The following PIK3C2G variants were observed in gnomAD, a reference collection of about 807,000 sequenced individuals.
The protein encoded by PIK3C2G is phosphatidylinositol-4-phosphate 3-kinase catalytic subunit type 2 gamma, also known as phosphatidylinositol 3-kinase C2 domain-containing subunit gamma.
Under a neutral mutation model 181.1 loss-of-function variants are expected in PIK3C2G, and 168 were observed. The ratio of observed to expected loss-of-function variants is 0.93; its 90% CI spans 0.82 to 1.05. The LOEUF is 1.05. PIK3C2G is among the 50% of genes least tolerant of loss of function. The pLI is 0.00. For synonymous variants in PIK3C2G, 573 were observed against 592.2 expected (o/e 0.97, Z 0.47); for missense variants, 1,869 against 1,732.8 (o/e 1.08, Z -1.40).
intron 18 of PIK3C2G, among the ~76,000 whole-genome samples, chr12:18,443,562 T>C (rs1303824402): frequency 2.0e-5 from 3 of 152,138 alleles, no homozygotes; most frequent in African/African-American, 7.2e-5. Context: ...TTTATTTCTG[T>C]AATCACCGAA....
At chr12:18,676,349 A>G in the PIK3C2G span, among the ~76,000 whole-genome samples, 4 of 152,046 alleles carry the variant, frequency 2.6e-5, no homozygotes, top group African/African-American at 9.7e-5. Flanking sequence ...AACTGAAAGA[A>G]TCTAATATAA....
At chr12:18,404,204 T>C (rs1424453965) in intron 16 of PIK3C2G, among the ~76,000 whole-genome samples, 3 of 152,206 alleles carry the variant, frequency 2.0e-5, no homozygotes, top group African/African-American at 7.2e-5. Flanking sequence ...ACTGATGCCA[T>C]TGTTTACTAA....
intron 24 of PIK3C2G, among the ~76,000 whole-genome samples, chr12:18,520,736 T>G (rs1329577314): frequency 1.3e-5 from 2 of 152,158 alleles, no homozygotes; most frequent in Admixed American, 1.3e-4. Context: ...CATCTCATCC[T>G]CTGTCCAGTT....
the PIK3C2G span, chr12:18,694,064 A>C: frequency 7.6e-7 from 1 of 1,310,072 alleles, no homozygotes; most frequent in Non-Finnish European, 1.1e-6. Context: ...TCTTTATAAG[A>C]AACAGGAAGA....
At chr12:18,595,154 T>C (rs946522362) in intron 30 of PIK3C2G, among the ~76,000 whole-genome samples, 2 of 152,078 alleles carry the variant, frequency 1.3e-5, no homozygotes, top group African/African-American at 2.4e-5. Flanking sequence ...ACTAATATAA[T>C]AAGCAAGGAT....
At chr12:18,643,404 T>C (rs1949937022) in intron 32 of PIK3C2G, among the ~76,000 whole-genome samples, 1 of 151,958 alleles carries the variant, frequency 6.6e-6, no homozygotes, top group South Asian at 2.1e-4. Flanking sequence ...AAGCAGAAAT[T>C]TGAAGTAGTG....
At chr12:18,688,953 G>A in the PIK3C2G span, among the ~76,000 whole-genome samples, 1 of 151,622 alleles carries the variant, frequency 6.6e-6, no homozygotes, top group Non-Finnish European at 1.5e-5. Flanking sequence ...TGATTATAAA[G>A]GAATAAAGAA....
chr12:18,634,218 T>A (rs936197132), intron 31 of PIK3C2G, among the ~76,000 whole-genome samples: 1 of 152,182 alleles, frequency 6.6e-6, no homozygotes, highest in Non-Finnish European at 1.5e-5. Context: ...CTCTTTTTGC[T>A]GTGATGTGAG....
intron 24 of PIK3C2G, among the ~76,000 whole-genome samples, chr12:18,516,190 TC>T (rs1193704290): frequency 6.6e-6 from 1 of 151,938 alleles, no homozygotes; most frequent in Non-Finnish European, 1.5e-5. Flanking sequence ...TTTTTATTTT[TC>T]TAGAAAAGTC....
chr12:18,417,328 A>G lies in PIK3C2G; in HGVS notation c.2316-3613A>G, dbSNP rs576106381. Among the ~76,000 whole-genome samples, 3 of 152,312 alleles carry G rather than the reference A, an allele frequency of 2.0e-5. No individual in the cohort carries two copies. In the South Asian group the frequency reaches 6.2e-4, roughly 32 times the overall value. On this transcript the variant is annotated intron_variant, in intron 16 of 32. Transcript: ENST00000538779. The stretch of plus-strand genomic sequence containing the variant: ...GTTGACATGATAACAAAGGATTTAG[A>G]ATCCTATATAAACATGATTGAGAAA...
At chr12:18,694,012 G>T in the PIK3C2G span, 1 of 1,481,548 alleles carries the variant, frequency 6.7e-7, no homozygotes, top group African/African-American at 1.4e-5. Context: ...AACGTAGAAT[G>T]AAAGTAACAA....
At chr12:18,445,979 T>C (rs143589218) in intron 18 of PIK3C2G, among the ~76,000 whole-genome samples, 3 of 152,342 alleles carry the variant, frequency 2.0e-5, no homozygotes, top group Non-Finnish European at 4.4e-5. Context: ...TTAATTTTCA[T>C]TGTAGTCTCA....
intron 18 of PIK3C2G, among the ~76,000 whole-genome samples, chr12:18,458,824 T>TA (rs1947763962): frequency 6.7e-6 from 1 of 149,252 alleles, no homozygotes; most frequent in African/African-American, 2.5e-5. Context: ...TTCTAGTTGC[T>TA]GAAAGTGGCC....
intron 24 of PIK3C2G, among the ~76,000 whole-genome samples, chr12:18,527,124 G>A (rs552553149): frequency 1.3e-5 from 2 of 152,202 alleles, no homozygotes; most frequent in Admixed American, 6.5e-5. Flanking sequence ...GTAAGCCAAT[G>A]CCCCATTGTG....
intron 29 of PIK3C2G, among the ~76,000 whole-genome samples, chr12:18,573,948 A>C (rs1448166950): frequency 6.6e-6 from 1 of 152,180 alleles, no homozygotes; most frequent in East Asian, 1.9e-4. Flanking sequence ...CTAAACCCTA[A>C]TTCTGTCCCA....
At chr12:18,559,821 T>TAGAGAGAGAGAGAGAGAGAGAG (rs1171468138) in intron 26 of PIK3C2G, among the ~76,000 whole-genome samples, 2 of 18,372 alleles carry the variant, frequency 1.1e-4, no homozygotes, top group Admixed American at 1.0e-3. Flanking sequence ...TATATATATA[T>TAGAGAGAGAGAGAGAGAGAGAG]AGAGAGAGAG....
At chr12:18,559,358 C>G (rs1402970227) in intron 26 of PIK3C2G, among the ~76,000 whole-genome samples, 1 of 151,912 alleles carries the variant, frequency 6.6e-6, no homozygotes, top group Admixed American at 6.6e-5. Context: ...GGAGGCAAAC[C>G]ATTAAATTAC....
chr12:18,547,911 A>G (rs1380103939), intron 26 of PIK3C2G, among the ~76,000 whole-genome samples: 1 of 151,990 alleles, frequency 6.6e-6, no homozygotes, highest in African/African-American at 2.4e-5. Context: ...AGTTATCTCA[A>G]CTAATGGGGA....
At chr12:18,563,844 T>A (rs1023368264) in intron 28 of PIK3C2G, among the ~76,000 whole-genome samples, 19 of 151,816 alleles carry the variant, frequency 1.3e-4, no homozygotes, top group Non-Finnish European at 2.4e-4. Context: ...CAATTGAAAT[T>A]GAAATTGCAG....
Sources: allele counts gnomAD v4.1 joint callset (sites outside exome capture counted in the v4.1 genomes callset), GRCh38; gene constraint gnomAD v4.1.1; transcripts MANE v1.5; gene names NCBI Gene and HGNC (gene_info 2026-07-23, HGNC 2026-07-21).